Variants in MAPK8IP1 observed in about 807,000 individuals in gnomAD.
MAPK8IP1 encodes the protein mitogen-activated protein kinase 8 interacting protein 1, also known as C-Jun-amino-terminal kinase-interacting protein 1.
A neutral mutation model predicts 72.6 loss-of-function variants in MAPK8IP1; 17 were observed. That is an observed-to-expected ratio of 0.23 (90% confidence interval 0.16 to 0.35). The LOEUF is 0.35. Among genes scored for constraint, MAPK8IP1 ranks in the 10% least tolerant of loss-of-function variants. The probability of loss-of-function intolerance (pLI) is 1.00; values close to 1 mark genes in which losing one functional copy is unlikely to be tolerated. For missense variants in MAPK8IP1, 789 were observed against 1,009.7 expected (o/e 0.78, Z 2.96); for synonymous variants, 401 against 443.4 (o/e 0.90, Z 1.20).
rs1450590357 is a variant in MAPK8IP1 at position 45,906,305 on chromosome 11, C to G, written c.*584C>G. 7.5e-6 allele frequency: 3 copies of G among 399,530 alleles called. No homozygotes were observed. Among genetic ancestry groups the G allele is most frequent in the Non-Finnish European group, 1.3e-5 (3 of 226,030 alleles). The allele number at this position is 399,530 out of a possible 1,614,324, so 24.7% of individuals were successfully genotyped here. On this transcript the variant is annotated 3_prime_UTR_variant, in exon 12 of 12. Transcript: ENST00000241014. ...TGGCTCCTGCCACTGACCTCACCGGCATGCTGGCCTGTGGCAGGCCTAGGA... is the reference window on the plus strand; with the variant it reads ...TGGCTCCTGCCACTGACCTCACCGGGATGCTGGCCTGTGGCAGGCCTAGGA...
chr11:45,885,854 G>A lies in MAPK8IP1; in HGVS notation c.34G>A (p.Gly12Arg), dbSNP rs1219034670. The A allele has an allele frequency of 2.1e-6, 3 of 1,451,462 alleles. No individual in the cohort carries two copies. The highest frequency in any genetic ancestry group is 2.7e-6 in the Non-Finnish European group (3 of 1,098,646). The allele number at this position is 1,451,462 out of a possible 1,614,324, so 89.9% of individuals were successfully genotyped here. Reference protein sequence around the residue: ...AERESGGLGGGAASPPAASPF... With the variant: ...AERESGGLGGRAASPPAASPF... ...GCGAGAAAGCGGCGGCCTGGGAGGG[G>A]GGGCCGCGTCCCCGCCCGCCGCCTC... is the stretch of plus-strand genomic sequence containing the variant. The change falls in exon 1 of 12, where the codon GGG becomes AGG. Residue 12 changes from glycine to arginine, a missense_variant. By Grantham distance (125) the Gly-to-Arg change is moderately radical (BLOSUM62 -2). This residue lies in a region of MAPK8IP1 where 112 missense variants were observed against 111.8 expected (regional missense o/e 1.00). Coordinates refer to ENST00000241014, the MANE Select transcript of MAPK8IP1 (RefSeq NM_005456.4).
intron 1 of MAPK8IP1, 94 bp from the exon 2 acceptor site, chr11:45,897,991 G>A: frequency 1.3e-6 from 1 of 754,636 alleles, no homozygotes; most frequent in Non-Finnish European, 2.4e-6. Flanking sequence ...GCTGTGTTTG[G>A]CCTTCAAGAG....
Position 45,905,801 on chromosome 11 carries a change from C to T in MAPK8IP1, c.*80C>T, listed in dbSNP as rs1226322707. On this transcript the variant is annotated 3_prime_UTR_variant, in exon 12 of 12. Transcript: ENST00000241014. Reference sequence around the variant, plus strand: ...TGGCTGCTGACAGGATGTGGCACTGCTTGAGGAGGGGCACCTGCCACCGCC... The same window carrying T: ...TGGCTGCTGACAGGATGTGGCACTGTTTGAGGAGGGGCACCTGCCACCGCC... 4 of 1,398,454 alleles carry T rather than the reference C, an allele frequency of 2.9e-6. No individual in the cohort carries two copies. The highest frequency in any genetic ancestry group is 4.0e-6 in the Non-Finnish European group (4 of 991,234). The allele number at this position is 1,398,454 out of a possible 1,614,324, so 86.6% of individuals were successfully genotyped here. A position where few individuals can be genotyped will look rare whatever the true frequency, so the allele number is the denominator to read the frequency against.
At chr11:45,890,997 G>A (rs762778286) in intron 1 of MAPK8IP1, among the ~76,000 whole-genome samples, 1 of 152,216 alleles carries the variant, frequency 6.6e-6, no homozygotes, top group Non-Finnish European at 1.5e-5. Context: ...TGGAGGTGGG[G>A]AGGTGCTGCT....
intron 1 of MAPK8IP1, among the ~76,000 whole-genome samples, chr11:45,891,413 A>G (rs1242679333): frequency 2.0e-5 from 3 of 152,152 alleles, no homozygotes; most frequent in African/African-American, 4.8e-5. Context: ...TGCCTCTTTA[A>G]TAGGCACTGA....
rs2086522590 is a variant in MAPK8IP1 at position 45,885,853 on chromosome 11, G to T, written c.33G>T (p.Gly11=). 3 of 1,450,842 alleles carry T rather than the reference G, an allele frequency of 2.1e-6. No individual in the cohort carries two copies. Among genetic ancestry groups the T allele is most frequent in the African/African-American group, 1.5e-5 (1 of 68,172 alleles). 89.9% of individuals were successfully genotyped at this position (1,450,842 alleles called of 1,614,324 possible). The change falls in exon 1 of 12, where the codon GGG becomes GGT. Residue 11 remains glycine (G), a synonymous_variant. Coordinates refer to ENST00000241014, the MANE Select transcript of MAPK8IP1 (RefSeq NM_005456.4). ...AGCGAGAAAGCGGCGGCCTGGGAGGGGGGGCCGCGTCCCCGCCCGCCGCCT... is the reference window on the plus strand; with the variant it reads ...AGCGAGAAAGCGGCGGCCTGGGAGGTGGGGCCGCGTCCCCGCCCGCCGCCT... MAERESGGLG[G]GAASPPAASP...
chr11:45,902,452 C>G lies in MAPK8IP1; in HGVS notation c.685C>G (p.Arg229Gly). The change falls in exon 5 of 12, where the codon CGA becomes GGA. Residue 229 changes from arginine (R) to glycine (G), a missense_variant. Around this residue, in one of 4 missense-constraint regions of MAPK8IP1, gnomAD observed 377 missense variants for 411.7 expected, o/e 0.92. Transcript: ENST00000241014. The surrounding 1 kb of genome is among the most constrained non-coding windows in gnomAD (Gnocchi z 9.3). ...PQSGPAPTTDRGTSTDSPCRR... is the reference protein window; with the variant it reads ...PQSGPAPTTDGGTSTDSPCRR... ...GAGCGGCCCCGCCCCCACCACAGAT[C>G]GAGGCACCTCCACCGACAGCCCTTG... The G allele has an allele frequency of 6.3e-7, 1 of 1,598,194 alleles. No individual in the cohort carries two copies. The highest frequency in any genetic ancestry group is 8.5e-7 in the Non-Finnish European group (1 of 1,173,346).
chr11:45,885,852 G>T lies in MAPK8IP1; in HGVS notation c.32G>T (p.Gly11Val), dbSNP rs552811406. 48 of 1,450,154 alleles carry T rather than the reference G, an allele frequency of 3.3e-5. No homozygotes were observed. The highest frequency in any genetic ancestry group is 6.0e-5 in the East Asian group (2 of 33,154). The allele number at this position is 1,450,154 out of a possible 1,614,324, so 89.8% of individuals were successfully genotyped here. A position where few individuals can be genotyped will look rare whatever the true frequency, so the allele number is the denominator to read the frequency against. The part of the protein sequence containing the change: MAERESGGLG[G>V]GAASPPAASP... ...GAGCGAGAAAGCGGCGGCCTGGGAGGGGGGGCCGCGTCCCCGCCCGCCGCC... is the reference window on the plus strand; with the variant it reads ...GAGCGAGAAAGCGGCGGCCTGGGAGTGGGGGCCGCGTCCCCGCCCGCCGCC... Residue 11 changes from glycine to valine, a missense_variant, in exon 1 of 12, where the codon GGG becomes GTG. Transcript: ENST00000241014.
rs750833037 is a variant in MAPK8IP1 at position 45,904,884 on chromosome 11, C to A, written c.1893+50C>A. ...TCCTTCCATGGCCCCAAGCTCTCCC[C>A]CAAGACTTGTGATGAAGAGGCCATC... On this transcript the variant is annotated intron_variant, in intron 9 of 11. Transcript: ENST00000241014. This position sits in a 1 kb window ranked among gnomAD's most constrained non-coding sequence, Gnocchi z 6.4. 3.7e-6 allele frequency: 6 copies of A among 1,608,056 alleles called. No individual in the cohort carries two copies. Among genetic ancestry groups the A allele is most frequent in the South Asian group, 3.3e-5 (3 of 90,982 alleles).
chr11:45,888,732 G>A (rs1453033633), intron 1 of MAPK8IP1, among the ~76,000 whole-genome samples: 3 of 151,360 alleles, frequency 2.0e-5, no homozygotes, highest in Non-Finnish European at 2.9e-5. Context: ...TCACTCTGTC[G>A]CCCAGGCTGG....
At chr11:45,896,888 G>T (rs982887146) in intron 1 of MAPK8IP1, 1 of 1,558,698 alleles carries the variant, frequency 6.4e-7, no homozygotes, top group African/African-American at 1.4e-5. Flanking sequence ...CCATGCAGCT[G>T]GTGCTGAAGA....
chr11:45,890,866 GGGAGTC>G (rs2086561473), intron 1 of MAPK8IP1, among the ~76,000 whole-genome samples: 1 of 152,228 alleles, frequency 6.6e-6, no homozygotes, highest in Non-Finnish European at 1.5e-5. Flanking sequence ...CAAAGACCCT[GGGAGTC>G]TGAGTTTGGA....
At chr11:45,898,023 C>A in intron 1 of MAPK8IP1, 62 bp from the exon 2 acceptor site, 1 of 993,932 alleles carries the variant, frequency 1.0e-6, no homozygotes. Context: ...GAAGAGGTAA[C>A]AGGGAGATGT....
At chr11:45,885,946 C>A in intron 1 of MAPK8IP1, 25 bp downstream of exon 1, 1 of 1,431,176 alleles carries the variant, frequency 7.0e-7, no homozygotes. Flanking sequence ...CCGCCGCGCG[C>A]CTCGCCCTTC....
chr11:45,895,242 G>C (rs145619626), intron 1 of MAPK8IP1, among the ~76,000 whole-genome samples: 2 of 152,184 alleles, frequency 1.3e-5, no homozygotes, highest in African/African-American at 2.4e-5. Context: ...AGACAGGCCA[G>C]TGGGGACATC....
Position 45,902,711 on chromosome 11 carries a change from C to T in MAPK8IP1, c.944C>T (p.Pro315Leu). ...ATGTCAGTCAGCTCCGATCCAGACCCTGCCGCCTACCCCTCCACGGCAGGG... is the reference window on the plus strand; with the variant it reads ...ATGTCAGTCAGCTCCGATCCAGACCTTGCCGCCTACCCCTCCACGGCAGGG... ...SRMSVSSDPD[P>L]AAYPSTAGRP... The change falls in exon 5 of 12, where the codon CCT becomes CTT. Residue 315 changes from proline to leucine, a missense_variant. By Grantham distance (98) the Pro-to-Leu change is moderately conservative. This residue lies in a region of MAPK8IP1 where 377 missense variants were observed against 411.7 expected (regional missense o/e 0.92). Coordinates refer to ENST00000241014, the MANE Select transcript of MAPK8IP1 (RefSeq NM_005456.4). This position sits in a 1 kb window ranked among gnomAD's most constrained non-coding sequence, Gnocchi z 9.3. 6.2e-7 allele frequency: 1 copy of T among 1,609,382 alleles called. No homozygotes were observed. The highest frequency in any genetic ancestry group is 2.2e-5 in the East Asian group (1 of 44,846).
In MAPK8IP1 at chr11:45,904,528, C is replaced by T. The variant is rs17847257; in HGVS notation, c.1740C>T (p.His580=). 6,802 of 1,614,194 alleles carry T rather than the reference C, an allele frequency of 4.2e-3. 176 individuals are homozygous for T. In the South Asian group the frequency reaches 0.047, roughly 11 times the overall value. The change falls in exon 8 of 12, where the codon CAC becomes CAT. Residue 580 remains histidine, a synonymous_variant. Coordinates refer to ENST00000241014, the MANE Select transcript of MAPK8IP1 (RefSeq NM_005456.4). This position sits in a 1 kb window ranked among gnomAD's most constrained non-coding sequence, Gnocchi z 6.4. The part of the protein sequence containing the change: ...KFLGSVQVPY[H]KGNDVLCAAM... ...TGGGCTCAGTCCAGGTTCCCTATCACAAGGGCAATGACGTCCTCTGTGCTG... is the reference window on the plus strand; with the variant it reads ...TGGGCTCAGTCCAGGTTCCCTATCATAAGGGCAATGACGTCCTCTGTGCTG...
At chr11:45,895,439 G>T (rs1029772121) in intron 1 of MAPK8IP1, among the ~76,000 whole-genome samples, 1 of 152,008 alleles carries the variant, frequency 6.6e-6, no homozygotes, top group Non-Finnish European at 1.5e-5. Context: ...GGCCAACATG[G>T]TGAAACCCTG....
chr11:45,885,913 C>G lies in MAPK8IP1; in HGVS notation c.93C>G (p.Pro31=). Residue 31 remains proline, a synonymous_variant, in exon 1 of 12, where the codon CCC becomes CCG. Transcript: ENST00000241014. The part of the protein sequence containing the change: ...PFLGLHIASP[P]NFRLTHDISL... ...TGGGGCTGCACATCGCTTCGCCTCCCAATTTCAGGTGAGAGTCCCCGGCCG... is the reference window on the plus strand; with the variant it reads ...TGGGGCTGCACATCGCTTCGCCTCCGAATTTCAGGTGAGAGTCCCCGGCCG... The G allele has an allele frequency of 6.8e-7, 1 of 1,478,944 alleles. No individual in the cohort carries two copies. Among genetic ancestry groups the G allele is most frequent in the Non-Finnish European group, 9.0e-7 (1 of 1,111,552 alleles). The allele number at this position is 1,478,944 out of a possible 1,614,324, so 91.6% of individuals were successfully genotyped here. A position where few individuals can be genotyped will look rare whatever the true frequency, so the allele number is the denominator to read the frequency against.
Sources: allele counts gnomAD v4.1 joint callset (sites outside exome capture counted in the v4.1 genomes callset), GRCh38; gene constraint gnomAD v4.1.1; regional missense constraint gnomAD v4.1.1; non-coding constraint Gnocchi (gnomAD v3.1); transcripts MANE v1.5; gene names NCBI Gene and HGNC (gene_info 2026-07-23, HGNC 2026-07-21).